Variants in TPCN1 observed in about 807,000 individuals in gnomAD.
The protein encoded by TPCN1 is two pore channel protein 1.
A neutral mutation model predicts 108.8 loss-of-function variants in TPCN1; 52 were observed. The ratio of observed to expected loss-of-function variants is 0.48; its 90% CI spans 0.38 to 0.60. The LOEUF (loss-of-function observed/expected upper bound fraction) is 0.60, where lower values mean the gene tolerates loss of function less well. TPCN1 is among the 20% of genes least tolerant of loss of function. The pLI is 0.00. For missense variants in TPCN1, 806 were observed against 1,072.8 expected, an observed-to-expected ratio of 0.75 and a Z score of 3.47; for synonymous variants, 446 against 433.7, an observed-to-expected ratio of 1.03 and a Z score of -0.35.
intron 19 of TPCN1, 54 bp downstream of exon 19, chr12:113,287,148 GC>G: frequency 6.9e-7 from 1 of 1,450,228 alleles, no homozygotes. Context: ...GGACGGGAAT[GC>G]CCCAGGATTG....
At chr12:113,277,481 C>T in intron 12 of TPCN1, 117 bp downstream of exon 12, 1 of 1,250,126 alleles carries the variant, frequency 8.0e-7, no homozygotes, top group Non-Finnish European at 1.1e-6. Context: ...TCAGAGACTT[C>T]CTCCACAGAT....
chr12:113,272,781 G>C lies in TPCN1; in HGVS notation c.783+89G>C. 1 of 1,303,834 alleles carries C rather than the reference G, an allele frequency of 7.7e-7. No individual in the cohort carries two copies. Among genetic ancestry groups the C allele is most frequent in the East Asian group, 2.3e-5 (1 of 43,458 alleles). 80.8% of individuals were successfully genotyped at this position (1,303,834 alleles called of 1,614,324 possible). The stretch of plus-strand genomic sequence containing the variant: ...ACCGGCGTGACCCTGTGGCCATATG[G>C]GGAAGGGGGGGCCTGCCTGGTTTCT... On this transcript the variant is annotated intron_variant, in intron 8 of 27. Transcript: ENST00000335509. The surrounding 1 kb of genome is among the most constrained non-coding windows in gnomAD (Gnocchi z 4.1).
intron 2 of TPCN1, among the ~76,000 whole-genome samples, chr12:113,251,397 G>A (rs557890835): frequency 2.4e-4 from 37 of 152,328 alleles, no homozygotes; most frequent in Non-Finnish European, 4.7e-4. Context: ...AAAGCCCTCT[G>A]TGCCGGTCCC....
Position 113,284,122 on chromosome 12 carries a change from ATTT to A in TPCN1, c.1343-456_1343-454del, listed in dbSNP as rs1019731845. On this transcript the variant is annotated intron_variant, in intron 15 of 27. Transcript: ENST00000335509. The surrounding 1 kb of genome is among the most constrained non-coding windows in gnomAD (Gnocchi z 4.1). The stretch of plus-strand genomic sequence containing the variant: ...TGAGTAGCTTTCAGATACATCTTAT[ATTT>A]TTGCTAGTGTGTCATTGGGATGGTT... Among the ~76,000 whole-genome samples, 281 of 152,250 alleles carry A rather than the reference ATTT, an allele frequency of 1.8e-3. 4 individuals are homozygous for A. The highest frequency in any genetic ancestry group is 7.4e-4 in the Non-Finnish European group (50 of 68,014).
chr12:113,291,754 C>T (rs955003731), intron 24 of TPCN1, 77 bp downstream of exon 24: 23 of 1,579,028 alleles, frequency 1.5e-5, no homozygotes, highest in Middle Eastern at 1.7e-4. Context: ...CAGCCTGCAG[C>T]GTCAGGGAGT....
At position 113,268,034 on chromosome 12, in the gene TPCN1, A is replaced by G. The variant is rs1955338154; in HGVS notation, c.528+78A>G. On this transcript the variant is annotated intron_variant, in intron 5 of 27. Transcript: ENST00000335509. The surrounding 1 kb of genome is among the most constrained non-coding windows in gnomAD (Gnocchi z 7.3). ...CCTTCAAACCTGTCTCTTTGGTACAATTCAGAATCCACCATGGGCCCAGTC... is the reference window on the plus strand; with the variant it reads ...CCTTCAAACCTGTCTCTTTGGTACAGTTCAGAATCCACCATGGGCCCAGTC... The G allele has an allele frequency of 9.5e-7, 1 of 1,056,460 alleles. No individual in the cohort carries two copies. Among genetic ancestry groups the G allele is most frequent in the African/African-American group, 1.6e-5 (1 of 63,558 alleles). 65.4% of individuals were successfully genotyped at this position (1,056,460 alleles called of 1,614,324 possible). A position where few individuals can be genotyped will look rare whatever the true frequency, so the allele number is the denominator to read the frequency against.
intron 14 of TPCN1, among the ~76,000 whole-genome samples, chr12:113,279,559 C>T (rs939014608): frequency 1.9e-4 from 29 of 149,968 alleles, no homozygotes; most frequent in East Asian, 6.0e-4. Flanking sequence ...CCACCATGCC[C>T]GGCTAATTTT....
chr12:113,241,279 C>G (rs1041479058), intron 2 of TPCN1, among the ~76,000 whole-genome samples: 2 of 152,256 alleles, frequency 1.3e-5, no homozygotes, highest in Non-Finnish European at 2.9e-5. Context: ...CTCCAGCTGT[C>G]ACTTCCCCAA....
Position 113,289,923 on chromosome 12 carries a change from C to A in TPCN1, c.1797-205C>A. 1.9e-6 allele frequency: 1 copy of A among 520,712 alleles called. No individual in the cohort carries two copies. The highest frequency in any genetic ancestry group is 3.4e-6 in the Non-Finnish European group (1 of 293,622). The allele number at this position is 520,712 out of a possible 1,614,324, so 32.3% of individuals were successfully genotyped here. ...GGGTCAGGCTGGCCAGGGGATCCCG[C>A]CAAGCCCAGCAGGCAGGAATAGCCA... On this transcript the variant is annotated intron_variant, in intron 21 of 27. Transcript: ENST00000335509. This position sits in a 1 kb window ranked among gnomAD's most constrained non-coding sequence, Gnocchi z 4.1.
intron 15 of TPCN1, among the ~76,000 whole-genome samples, chr12:113,283,544 G>A (rs1275775297): frequency 6.6e-6 from 1 of 151,914 alleles, no homozygotes; most frequent in Non-Finnish European, 1.5e-5. Context: ...TAAGGTGGGA[G>A]GATTGCTTGA....
At chr12:113,243,640 G>A (rs1954234194) in intron 2 of TPCN1, among the ~76,000 whole-genome samples, 1 of 152,074 alleles carries the variant, frequency 6.6e-6, no homozygotes, top group East Asian at 1.9e-4. Context: ...TATAATCCCA[G>A]CTACTGAGGA....
At chr12:113,224,906 A>G (rs1261913399) in intron 1 of TPCN1, among the ~76,000 whole-genome samples, 1 of 151,898 alleles carries the variant, frequency 6.6e-6, no homozygotes, top group East Asian at 1.9e-4. Context: ...GCAAGCCACC[A>G]CACCCAGCTA....
intron 10 of TPCN1, among the ~76,000 whole-genome samples, chr12:113,275,733 C>A (rs886514797): frequency 1.3e-5 from 2 of 151,820 alleles, no homozygotes; most frequent in South Asian, 4.2e-4. Flanking sequence ...CCACCACGCC[C>A]GGCTAATTTT....
intron 2 of TPCN1, among the ~76,000 whole-genome samples, chr12:113,253,219 G>A (rs1954714150): frequency 3.3e-5 from 5 of 152,140 alleles, no homozygotes; most frequent in Admixed American, 3.3e-4. Flanking sequence ...AACTAAGTGG[G>A]TTAACAGATA....
intron 18 of TPCN1, among the ~76,000 whole-genome samples, 157 bp downstream of exon 18, chr12:113,286,118 C>T (rs1453990402): frequency 6.6e-6 from 1 of 152,204 alleles, no homozygotes; most frequent in Non-Finnish European, 1.5e-5. Flanking sequence ...GCCCTGCCCA[C>T]AGCCCAGGAA....
intron 25 of TPCN1, chr12:113,292,241 C>T (rs1956292151): frequency 2.4e-6 from 1 of 421,518 alleles, no homozygotes; most frequent in African/African-American, 2.0e-5. Flanking sequence ...GCAGCCCCTG[C>T]CCTGCCTTTC....
At chr12:113,250,023 C>T (rs1954571864) in intron 2 of TPCN1, 1 of 152,270 alleles carries the variant, frequency 6.6e-6, no homozygotes, top group Admixed American at 6.5e-5. Context: ...AGTGCTGAGA[C>T]TAGTGCCTGC....
At chr12:113,293,392 A>G in intron 27 of TPCN1, 43 bp downstream of exon 27, 1 of 1,584,768 alleles carries the variant, frequency 6.3e-7, no homozygotes, top group Non-Finnish European at 8.7e-7. Flanking sequence ...CCCCCAAGCT[A>G]TGTCCTGGGA....
chr12:113,280,303 T>C (rs1276366316), intron 15 of TPCN1, 108 bp downstream of exon 15: 1 of 834,530 alleles, frequency 1.2e-6, no homozygotes, highest in East Asian at 2.5e-5. Flanking sequence ...TTTGACTTTT[T>C]ATTGTGGGGA....
Sources: allele counts gnomAD v4.1 joint callset (sites outside exome capture counted in the v4.1 genomes callset), GRCh38; gene constraint gnomAD v4.1.1; non-coding constraint Gnocchi (gnomAD v3.1); transcripts MANE v1.5; gene names NCBI Gene and HGNC (gene_info 2026-07-23, HGNC 2026-07-21).